The following POLI variants were observed in gnomAD, a reference collection of about 807,000 sequenced individuals.
POLI encodes RAD30 homolog B.
POLI carries 58 observed loss-of-function variants against 51.6 expected under a neutral mutation model. The ratio of observed to expected loss-of-function variants is 1.12; its 90% CI spans 0.91 to 1.40. The LOEUF (loss-of-function observed/expected upper bound fraction) is 1.40. Among genes scored for constraint, POLI ranks in the 40% most tolerant of loss-of-function variants. POLI has a pLI of 0.00. For missense variants in POLI, 921 were observed against 871.3 expected, an observed-to-expected ratio of 1.06 and a Z score of -0.72; for synonymous variants, 322 against 299.7, an observed-to-expected ratio of 1.07 and a Z score of -0.77.
At chr18:54,309,952 A>G (rs1346349414) in intron 3 of POLI, among the ~76,000 whole-genome samples, 1 of 152,150 alleles carries the variant, frequency 6.6e-6, no homozygotes, top group Non-Finnish European at 1.5e-5. Context: ...AAACTGCAAT[A>G]TTTGAGTGGG....
At chr18:54,308,041 G>T (rs933438497) in intron 3 of POLI, among the ~76,000 whole-genome samples, 1 of 151,912 alleles carries the variant, frequency 6.6e-6, no homozygotes. Flanking sequence ...TATCCAATTT[G>T]CCAGTCTATG....
intron 1 of POLI, chr18:54,270,608 A>C (rs2086962555): frequency 6.6e-6 from 1 of 152,216 alleles, no homozygotes; most frequent in Admixed American, 6.5e-5. Context: ...TTAATATTCT[A>C]CCAGTTTTTC....
chr18:54,316,213 C>T (rs1396549252), intron 3 of POLI, among the ~76,000 whole-genome samples: 1 of 152,176 alleles, frequency 6.6e-6, no homozygotes, highest in Non-Finnish European at 1.5e-5. Flanking sequence ...CTGCACCAGA[C>T]ATCTATGCCT....
Position 54,296,152 on chromosome 18 carries a change from CT to C in POLI, c.*1690del. 3 of 983,612 alleles carry C rather than the reference CT, an allele frequency of 3.0e-6. No individual in the cohort carries two copies. Among genetic ancestry groups the C allele is most frequent in the Non-Finnish European group, 3.6e-6 (3 of 828,374 alleles). 60.9% of individuals were successfully genotyped at this position (983,612 alleles called of 1,614,324 possible). On this transcript the variant is annotated 3_prime_UTR_variant, in exon 10 of 10. Transcript: ENST00000579534. The stretch of plus-strand genomic sequence containing the variant: ...TTAAACTTATGAAAAGGGTATATAA[CT>C]TTTTGTAAATCATTAAAACATTTTA...
At position 54,294,218 on chromosome 18, in the gene POLI, A is replaced by G; in HGVS notation, c.1974A>G (p.Ser658=). The change falls in exon 10 of 10, where the codon TCA becomes TCG. Residue 658 remains serine, a synonymous_variant. Coordinates refer to ENST00000579534, the MANE Select transcript of POLI (RefSeq NM_007195.3). ...NSNPAVSAFH[S]FPNLQSEQLF... is the part of the protein sequence containing the mutation. ...ACCCTGCTGTGTCTGCTTTTCATTC[A>G]TTTCCAAACTTGCAGAGTGAGCAAC... is the stretch of plus-strand genomic sequence containing the variant. 6.2e-7 allele frequency: 1 copy of G among 1,613,688 alleles called. No individual in the cohort carries two copies.
In POLI at chr18:54,276,461, A is replaced by G. The variant is rs558518421; in HGVS notation, c.407-1242A>G. On this transcript the variant is annotated intron_variant, in intron 3 of 9. Coordinates refer to ENST00000579534, the MANE Select transcript of POLI (RefSeq NM_007195.3). ...ATTTAGTGATCCACCAGCTTCGTGC[A>G]TGATTCTGTATTTAACTTGCTTTTC... Among the ~76,000 whole-genome samples, 11 of 152,348 alleles carry G rather than the reference A, an allele frequency of 7.2e-5. No homozygotes were observed. In the East Asian group the frequency reaches 2.1e-3, roughly 29 times the overall value.
At chr18:54,299,799 G>T (rs932263236), downstream of POLI, among the ~76,000 whole-genome samples, 1 of 152,092 alleles carries the variant, frequency 6.6e-6, no homozygotes, top group African/African-American at 2.4e-5. Flanking sequence ...TACAATAAAC[G>T]TGAAGAAAAC....
At chr18:54,277,902 A>T in intron 4 of POLI, 47 bp downstream of exon 4, 1 of 1,387,766 alleles carries the variant, frequency 7.2e-7, no homozygotes, top group Non-Finnish European at 1.0e-6. Flanking sequence ...AAGTACATAC[A>T]TTTCTTAATG....
In POLI at chr18:54,294,171, G is replaced by T; in HGVS notation, c.1927G>T (p.Gly643Ter). 3 of 1,612,540 alleles carry T rather than the reference G, an allele frequency of 1.9e-6. No homozygotes were observed. The highest frequency in any genetic ancestry group is 1.7e-6 in the Non-Finnish European group (2 of 1,178,880). The change falls in exon 10 of 10, where the codon GGA becomes TGA. Residue 643 changes from glycine to a stop codon, truncating the protein, a stop_gained. Coordinates refer to ENST00000579534, the MANE Select transcript of POLI (RefSeq NM_007195.3). LOFTEE classifies it low-confidence loss of function (END_TRUNC). ...AAGTCAAGGACCTAAAGAACCTCAA[G>T]GATTCCACTTTACAAATTCAAACCC... Reference protein sequence around the residue: ...RISQGPKEPQGFHFTNSNPAV... With the variant: ...RISQGPKEPQ
chr18:54,299,856 C>T (rs143659913), downstream of POLI, among the ~76,000 whole-genome samples: 190 of 152,224 alleles, frequency 1.2e-3, 1 homozygote, highest in African/African-American at 4.4e-3. Flanking sequence ...CAGTGATAAA[C>T]ACCATCCCTT....
In POLI at chr18:54,280,842, C is replaced by T; in HGVS notation, c.735C>T (p.Val245=). The T allele has an allele frequency of 6.2e-7, 1 of 1,613,426 alleles. No individual in the cohort carries two copies. Among genetic ancestry groups the T allele is most frequent in the Non-Finnish European group, 8.5e-7 (1 of 1,179,486 alleles). The change falls in exon 5 of 10, where the codon GTC becomes GTT. Residue 245 remains valine (V), a synonymous_variant. Coordinates refer to ENST00000579534, the MANE Select transcript of POLI (RefSeq NM_007195.3). ...SGVFKPNQQT[V]LLPESCQHLI... is the part of the protein sequence containing the mutation. ...TCTTTAAACCAAATCAACAAACAGTCTTATTACCTGAAAGTTGTCAACATC... is the reference window on the plus strand; with the variant it reads ...TCTTTAAACCAAATCAACAAACAGTTTTATTACCTGAAAGTTGTCAACATC...
At chr18:54,286,949 A>T (rs1031283377) in intron 7 of POLI, among the ~76,000 whole-genome samples, 2 of 152,146 alleles carry the variant, frequency 1.3e-5, no homozygotes, top group African/African-American at 4.8e-5. Context: ...ATCTCAAAAA[A>T]AAAAAAATTG....
chr18:54,314,146 C>T (rs2039911613), intron 3 of POLI, among the ~76,000 whole-genome samples: 2 of 152,022 alleles, frequency 1.3e-5, no homozygotes, highest in Admixed American at 6.6e-5. Context: ...TTGTTGAGGG[C>T]TTTTATCATG....
At chr18:54,290,923 C>T (rs977925144) in intron 8 of POLI, among the ~76,000 whole-genome samples, 1 of 152,048 alleles carries the variant, frequency 6.6e-6, no homozygotes, top group African/African-American at 2.4e-5. Flanking sequence ...ACATGTATAC[C>T]TATGTAACAA....
In POLI at chr18:54,294,506, CATT is replaced by C. The variant is rs758283805; in HGVS notation, c.*43_*45del. On this transcript the variant is annotated 3_prime_UTR_variant, in exon 10 of 10. Coordinates refer to ENST00000579534, the MANE Select transcript of POLI (RefSeq NM_007195.3). The stretch of plus-strand genomic sequence containing the variant: ...AAAGGTCTGAAAAGCAAGGGAATAC[CATT>C]ATTTTCGGATTAGCGGTTTATTAAG... 12 of 1,530,582 alleles carry C rather than the reference CATT, an allele frequency of 7.8e-6. No homozygotes were observed. Among genetic ancestry groups the C allele is most frequent in the Middle Eastern group, 3.6e-4 (2 of 5,630 alleles). The allele number at this position is 1,530,582 out of a possible 1,614,324, so 94.8% of individuals were successfully genotyped here. A position where few individuals can be genotyped will look rare whatever the true frequency, so the allele number is the denominator to read the frequency against.
rs2088411849 is a variant in POLI, at chr18:54,297,888, G to A, written c.*3421G>A. 1 of 982,384 alleles carries A rather than the reference G, an allele frequency of 1.0e-6. No individual in the cohort carries two copies. Among genetic ancestry groups the A allele is most frequent in the African/African-American group, 1.7e-5 (1 of 57,226 alleles). 60.9% of individuals were successfully genotyped at this position (982,384 alleles called of 1,614,324 possible). A position where few individuals can be genotyped will look rare whatever the true frequency, so the allele number is the denominator to read the frequency against. ...GGTGGGGGCTTACCTTTTTTCTTGT[G>A]TGTCAGATGTTCCTTCTAGGTAGAA... On this transcript the variant is annotated 3_prime_UTR_variant, in exon 10 of 10. Transcript: ENST00000579534.
At chr18:54,274,175 A>T in intron 3 of POLI, 85 bp downstream of exon 3, 1 of 638,250 alleles carries the variant, frequency 1.6e-6, no homozygotes, top group Non-Finnish European at 2.3e-6. Flanking sequence ...TAAATGTAAA[A>T]TAACATAAGT....
At chr18:54,290,533 T>C (rs2144576841) in intron 8 of POLI, among the ~76,000 whole-genome samples, 1 of 152,372 alleles carries the variant, frequency 6.6e-6, no homozygotes, top group Non-Finnish European at 1.5e-5. Context: ...TGCACGCGTA[T>C]GTTTATTGTG....
intron 6 of POLI, among the ~76,000 whole-genome samples, chr18:54,283,318 G>C (rs2087601894): frequency 6.6e-6 from 1 of 152,088 alleles, no homozygotes; most frequent in Admixed American, 6.6e-5. Flanking sequence ...CTTGTTTTCA[G>C]AGTAGTCCAG....
Sources: allele counts gnomAD v4.1 joint callset (sites outside exome capture counted in the v4.1 genomes callset), GRCh38; gene constraint gnomAD v4.1.1; transcripts MANE v1.5; gene names NCBI Gene and HGNC (gene_info 2026-07-23, HGNC 2026-07-21).